KAT6A: variants seen among roughly 807,000 people sequenced by gnomAD.
The protein encoded by KAT6A is lysine acetyltransferase 6A, also known as histone acetyltransferase KAT6A.
KAT6A carries 9 observed loss-of-function variants against 198.4 expected under a neutral mutation model. That is an observed-to-expected ratio of 0.05 (90% CI 0.03 to 0.08). The LOEUF (loss-of-function observed/expected upper bound fraction) is 0.08, where lower values mean the gene tolerates loss of function less well. Ranked by LOEUF, KAT6A falls within the 10% of genes least tolerant of loss-of-function variation. The probability of loss-of-function intolerance (pLI) is 1.00; values close to 1 mark genes in which losing one functional copy is unlikely to be tolerated. For synonymous variants in KAT6A, 890 were observed against 883.0 expected (o/e 1.01, Z -0.14); for missense variants, 2,077 against 2,509.9 (o/e 0.83, Z 3.69).
rs1425730242 is a variant in KAT6A at position 41,932,180 on chromosome 8, G to A, written c.*25C>T. The A allele has an allele frequency of 5.9e-6, 9 of 1,515,274 alleles. No homozygotes were observed. Among genetic ancestry groups the A allele is most frequent in the Non-Finnish European group, 7.9e-6 (9 of 1,133,246 alleles). 93.9% of individuals were successfully genotyped at this position (1,515,274 alleles called of 1,614,324 possible). ...GGTTCCTTTATTTATATATATTTAA[G>A]TTTTTGATTGCAAGTTCATCTTGCT... is the stretch of plus-strand genomic sequence containing the variant. On this transcript the variant is annotated 3_prime_UTR_variant, in exon 17 of 17. Coordinates refer to ENST00000265713, the MANE Select transcript of KAT6A (RefSeq NM_006766.5).
chr8:42,048,992 T>C lies in KAT6A; in HGVS notation c.-15A>G, dbSNP rs1418893784. 6 of 1,607,048 alleles carry C rather than the reference T, an allele frequency of 3.7e-6. No homozygotes were observed. The highest frequency in any genetic ancestry group is 5.1e-6 in the Non-Finnish European group (6 of 1,177,682). On this transcript the variant is annotated 5_prime_UTR_variant, in exon 2 of 17. It adds an upstream start codon to the 5' untranslated region. Coordinates refer to ENST00000265713, the MANE Select transcript of KAT6A (RefSeq NM_006766.5). ...AGTTTTACCATGGTGAAGGATTCTGTATATCCATAGAGTCGTTATCCCTTA... is the reference window on the plus strand; with the variant it reads ...AGTTTTACCATGGTGAAGGATTCTGCATATCCATAGAGTCGTTATCCCTTA...
At chr8:42,020,053 CCTT>C (rs1424546469) in intron 2 of KAT6A, among the ~76,000 whole-genome samples, 4 of 152,084 alleles carry the variant, frequency 2.6e-5, no homozygotes, top group East Asian at 3.9e-4. Flanking sequence ...AATGTAATTA[CCTT>C]CTTTTTTTAA....
Position 42,049,169 on chromosome 8 carries a change from C to A in KAT6A, c.-192G>T. On this transcript the variant is annotated 5_prime_UTR_variant, in exon 2 of 17. Transcript: ENST00000265713. ...AATTGTACTATAGAAACCAAAACAA[C>A]CTGTTGATTGAAATGTCTTCCAACT... 1.8e-6 allele frequency: 1 copy of A among 561,208 alleles called. No homozygotes were observed. The highest frequency in any genetic ancestry group is 3.1e-6 in the Non-Finnish European group (1 of 323,804). The allele number at this position is 561,208 out of a possible 1,614,324, so 34.8% of individuals were successfully genotyped here.
rs894121651 is a variant in KAT6A, at chr8:41,966,874, T to C, written c.1482+7830A>G. Among the ~76,000 whole-genome samples the C allele has an allele frequency of 3.9e-5, 6 of 152,156 alleles. 1 individual carries two copies. Among genetic ancestry groups the C allele is most frequent in the East Asian group, 1.9e-4 (1 of 5,194 alleles). On this transcript the variant is annotated intron_variant, in intron 8 of 16. Transcript: ENST00000265713. ...TAAGGGTACAGAATTAGAAGTCACA[T>C]GGCCTAAGTTTTAATTTCGGCTCCA... is the stretch of plus-strand genomic sequence containing the variant.
At chr8:41,973,252 G>A (rs1477302327) in intron 8 of KAT6A, among the ~76,000 whole-genome samples, 2 of 150,226 alleles carry the variant, frequency 1.3e-5, no homozygotes, top group Admixed American at 6.6e-5. Context: ...TTGAGATGGA[G>A]TCTCACTCTG....
chr8:41,944,024 C>T (rs759513764), intron 12 of KAT6A, 45 bp from the exon 13 acceptor site: 3 of 1,338,232 alleles, frequency 2.2e-6, no homozygotes. Context: ...GTCAGCAACT[C>T]TGAAAAACTG....
At chr8:42,028,852 G>A (rs1826971337) in intron 2 of KAT6A, among the ~76,000 whole-genome samples, 1 of 151,986 alleles carries the variant, frequency 6.6e-6, no homozygotes, top group African/African-American at 2.4e-5. Flanking sequence ...TAATATTTGG[G>A]TCCTTTCTCT....
intron 2 of KAT6A, among the ~76,000 whole-genome samples, chr8:42,038,603 T>C (rs1259394699): frequency 6.6e-6 from 1 of 152,224 alleles, no homozygotes; most frequent in Non-Finnish European, 1.5e-5. Flanking sequence ...TAACTGGCTG[T>C]GTGGCACTGG....
At chr8:41,968,825 T>C (rs1404614308) in intron 8 of KAT6A, among the ~76,000 whole-genome samples, 1 of 152,188 alleles carries the variant, frequency 6.6e-6, no homozygotes, top group Non-Finnish European at 1.5e-5. Flanking sequence ...CTCTTTTTCA[T>C]GGAAGTGTAT....
In KAT6A at chr8:41,980,841, C is replaced by A; in HGVS notation, c.907+5G>T. The A allele has an allele frequency of 6.2e-7, 1 of 1,604,346 alleles. No individual in the cohort carries two copies. Among genetic ancestry groups the A allele is most frequent in the Non-Finnish European group, 8.5e-7 (1 of 1,171,228 alleles). The stretch of plus-strand genomic sequence containing the variant: ...CCCAGTTTTATTTCAGAAAGTATTT[C>A]TCACCTTTTGGCATACGGGTGAGTG... On this transcript the variant is annotated splice_donor_5th_base_variant and intron_variant, in intron 5 of 16. Coordinates refer to ENST00000265713, the MANE Select transcript of KAT6A (RefSeq NM_006766.5).
intron 2 of KAT6A, among the ~76,000 whole-genome samples, chr8:41,995,017 C>CT (rs149633350): frequency 0.1 from 15,905 of 151,732 alleles, 1,065 homozygotes; most frequent in East Asian, 0.24. Context: ...GAACGTGCTA[C>CT]TGCACTCCAG....
chr8:41,969,035 A>T (rs1823649179), intron 8 of KAT6A, among the ~76,000 whole-genome samples: 1 of 152,206 alleles, frequency 6.6e-6, no homozygotes. Flanking sequence ...TCCCTTCCAG[A>T]CTATAAGCTC....
In KAT6A at chr8:41,940,854, C is replaced by T. The variant is rs776643060; in HGVS notation, c.3027G>A (p.Thr1009=). 3.1e-6 allele frequency: 5 copies of T among 1,610,792 alleles called. No homozygotes were observed. Among genetic ancestry groups the T allele is most frequent in the Admixed American group, 1.7e-5 (1 of 59,912 alleles). The change falls in exon 15 of 17, where the codon ACG becomes ACA. Residue 1009 remains threonine (T), a synonymous_variant. Coordinates refer to ENST00000265713, the MANE Select transcript of KAT6A (RefSeq NM_006766.5). ...SSSPPILTKP[T]LKRKKPFLHR... ...AGAAATGCGTTACCTTTCGCTTCAG[C>T]GTGGGCTTTGTGAGAATTGGTGGCG...
rs761141070 is a variant in KAT6A, at chr8:41,941,349, T to C, written c.2532A>G (p.Thr844=). The change falls in exon 15 of 17, where the codon ACA becomes ACG. Residue 844 remains threonine, a synonymous_variant. Coordinates refer to ENST00000265713, the MANE Select transcript of KAT6A (RefSeq NM_006766.5). The stretch of plus-strand genomic sequence containing the variant: ...GAGGAAGGACTTGTTTGCTCAAACG[T>C]GTAGAACTGACTGGAGCCATAACTT... ...KPEVMAPVSS[T]RLSKQVLPHD... is the part of the protein sequence containing the mutation. 3 of 1,612,986 alleles carry C rather than the reference T, an allele frequency of 1.9e-6. No individual in the cohort carries two copies. The highest frequency in any genetic ancestry group is 1.7e-6 in the Non-Finnish European group (2 of 1,180,042).
At position 41,933,033 on chromosome 8, in the gene KAT6A, T is replaced by G; in HGVS notation, c.5187A>C (p.Ile1729=). The change falls in exon 17 of 17, where the codon ATA becomes ATC. Residue 1729 remains isoleucine (I), a synonymous_variant. Transcript: ENST00000265713. This position sits in a 1 kb window ranked among gnomAD's most constrained non-coding sequence, Gnocchi z 6.2. ...EIPESGSTGN[I]SIYERIPGDF... Reference sequence around the variant, plus strand: ...CCCCTGGAATCCTCTCATAGATACTTATGTTCCCAGTGCTTCCAGATTCTG... The same window carrying G: ...CCCCTGGAATCCTCTCATAGATACTGATGTTCCCAGTGCTTCCAGATTCTG... The G allele has an allele frequency of 6.2e-7, 1 of 1,613,856 alleles. No individual in the cohort carries two copies. The highest frequency in any genetic ancestry group is 1.3e-5 in the African/African-American group (1 of 74,908).
chr8:41,996,061 C>T (rs545509166), intron 2 of KAT6A, among the ~76,000 whole-genome samples: 271 of 152,282 alleles, frequency 1.8e-3, no homozygotes, highest in African/African-American at 6.2e-3. Context: ...TCTTCTGAGG[C>T]ACTCAAATCT....
At position 41,932,186 on chromosome 8, in the gene KAT6A, G is replaced by C. The variant is rs753328385; in HGVS notation, c.*19C>G. 35 of 1,520,458 alleles carry C rather than the reference G, an allele frequency of 2.3e-5. No individual in the cohort carries two copies. The highest frequency in any genetic ancestry group is 2.0e-4 in the Middle Eastern group (1 of 5,104). The allele number at this position is 1,520,458 out of a possible 1,614,324, so 94.2% of individuals were successfully genotyped here. A position where few individuals can be genotyped will look rare whatever the true frequency, so the allele number is the denominator to read the frequency against. ...TTTATTTATATATATTTAAGTTTTT[G>C]ATTGCAAGTTCATCTTGCTCATCTT... On this transcript the variant is annotated 3_prime_UTR_variant, in exon 17 of 17. Coordinates refer to ENST00000265713, the MANE Select transcript of KAT6A (RefSeq NM_006766.5).
chr8:41,934,557 C>T lies in KAT6A; in HGVS notation c.3663G>A (p.Glu1221=), dbSNP rs771040568. 1.2e-6 allele frequency: 2 copies of T among 1,614,042 alleles called. No individual in the cohort carries two copies. Among genetic ancestry groups the T allele is most frequent in the Admixed American group, 1.7e-5 (1 of 59,994 alleles). Residue 1221 remains glutamate, a synonymous_variant, in exon 17 of 17, where the codon GAG becomes GAA. Transcript: ENST00000265713. ...GCATCTCCTCCTCCTCCTTCCTCTC[C>T]TCGGGTAGGGGCATGTCTTCTTTTG... ...VEPKEDMPLP[E]ERKEEEEMQA... is the part of the protein sequence containing the mutation.
rs1332427845 is a variant in KAT6A at position 41,947,973 on chromosome 8, G to C, written c.1741-61C>G. On this transcript the variant is annotated intron_variant, in intron 10 of 16. Coordinates refer to ENST00000265713, the MANE Select transcript of KAT6A (RefSeq NM_006766.5). ...GGTCTCTTTAGTTCTAGAATAATAT[G>C]TATCAGTTAAAAGCATCTCTAGATA... is the stretch of plus-strand genomic sequence containing the variant. 1.6e-5 allele frequency: 22 copies of C among 1,339,214 alleles called. No homozygotes were observed. In the Admixed American group the frequency reaches 5.5e-4, roughly 33 times the overall value. The allele number at this position is 1,339,214 out of a possible 1,614,324, so 83.0% of individuals were successfully genotyped here.
Sources: gnomAD v4.1 joint callset for allele counts (sites outside exome capture counted in the v4.1 genomes callset) on GRCh38, gnomAD v4.1.1 for gene constraint, Gnocchi (gnomAD v3.1) non-coding constraint, MANE v1.5 for transcripts, NCBI Gene and HGNC (gene_info 2026-07-23, HGNC 2026-07-21) for gene names.